The following CCDC172 variants were observed in gnomAD, a reference collection of about 807,000 sequenced individuals.
CCDC172 encodes coiled-coil domain-containing protein 172.
Under a neutral mutation model 38.0 loss-of-function variants are expected in CCDC172, and 30 were observed. The observed-to-expected ratio is 0.79, with a 90% CI of 0.59 to 1.07. The LOEUF (loss-of-function observed/expected upper bound fraction) is 1.07. CCDC172 is among the 50% of genes least tolerant of loss of function. The pLI is 0.00. For synonymous variants in CCDC172, 78 were observed against 88.3 expected, an observed-to-expected ratio of 0.88 and a Z score of 0.66; for missense variants, 297 against 290.1, an observed-to-expected ratio of 1.02 and a Z score of -0.17.
rs183342669 is a variant in CCDC172, at chr10:116,353,681, G to C, written c.449-3699G>C. Among the ~76,000 whole-genome samples, 5 of 152,256 alleles carry C rather than the reference G, an allele frequency of 3.3e-5. No homozygotes were observed. The East Asian group carries it at 9.7e-4, about 29-fold the overall frequency. Reference sequence around the variant, plus strand: ...TATTGATGATCCTGACCTTGTGTAGGCCTAGCCTAATTATATGTGTTTGAG... The same window carrying C: ...TATTGATGATCCTGACCTTGTGTAGCCCTAGCCTAATTATATGTGTTTGAG... On this transcript the variant is annotated intron_variant, in intron 5 of 8. Coordinates refer to ENST00000333254, the MANE Select transcript of CCDC172 (RefSeq NM_198515.3).
intron 3 of CCDC172, among the ~76,000 whole-genome samples, chr10:116,332,948 C>T (rs531496386): frequency 6.6e-6 from 1 of 152,076 alleles, no homozygotes; most frequent in African/African-American, 2.4e-5. Flanking sequence ...ATTTAATGCT[C>T]TCTGCAAATT....
chr10:116,362,430 C>T (rs1845076301), intron 7 of CCDC172, among the ~76,000 whole-genome samples: 1 of 152,108 alleles, frequency 6.6e-6, no homozygotes, highest in Middle Eastern at 3.2e-3. Context: ...AATGGATGTA[C>T]AAGATAGTTT....
chr10:116,379,481 T>C lies in CCDC172; in HGVS notation c.*123T>C, dbSNP rs1845286609. ...CTTGTGGGAAATATGGGGTTTAAAA[T>C]ATTCAAATTGTTATTATCTAGAAAT... is the stretch of plus-strand genomic sequence containing the variant. On this transcript the variant is annotated 3_prime_UTR_variant, in exon 9 of 9. Transcript: ENST00000333254. 5.8e-6 allele frequency: 3 copies of C among 516,742 alleles called. No homozygotes were observed. The highest frequency in any genetic ancestry group is 9.9e-6 in the Non-Finnish European group (3 of 303,224). The allele number at this position is 516,742 out of a possible 1,614,324, so 32.0% of individuals were successfully genotyped here.
chr10:116,368,762 G>T (rs1365409518), intron 7 of CCDC172, among the ~76,000 whole-genome samples: 1 of 151,870 alleles, frequency 6.6e-6, no homozygotes, highest in Admixed American at 6.6e-5. Flanking sequence ...GGATGTCATT[G>T]CTTCTAAGCA....
intron 4 of CCDC172, 76 bp downstream of exon 4, chr10:116,340,926 T>C: frequency 1.2e-6 from 1 of 849,424 alleles, no homozygotes. Context: ...AAGTATACTT[T>C]TAGAAAATTA....
chr10:116,359,933 C>G (rs1010985765), intron 7 of CCDC172, among the ~76,000 whole-genome samples: 6 of 152,118 alleles, frequency 3.9e-5, no homozygotes, highest in African/African-American at 1.4e-4. Context: ...CTGTAGAGAA[C>G]CAGTGTTTCA....
At chr10:116,337,295 G>A (rs1345286835) in intron 3 of CCDC172, among the ~76,000 whole-genome samples, 2 of 151,750 alleles carry the variant, frequency 1.3e-5, no homozygotes, top group Non-Finnish European at 2.9e-5. Flanking sequence ...CTGGGATTAC[G>A]GGTGCCCCCA....
At chr10:116,352,569 T>C (rs1038045550) in intron 5 of CCDC172, among the ~76,000 whole-genome samples, 4 of 151,986 alleles carry the variant, frequency 2.6e-5, no homozygotes, top group Non-Finnish European at 5.9e-5. Flanking sequence ...TTCAACAACT[T>C]TCATGATAAA....
chr10:116,349,354 T>C (rs940754805), intron 5 of CCDC172, among the ~76,000 whole-genome samples: 1 of 152,164 alleles, frequency 6.6e-6, no homozygotes, highest in African/African-American at 2.4e-5. Flanking sequence ...AAAATTGTCT[T>C]CCACAAAAAC....
chr10:116,326,504 G>A (rs1004709130), intron 3 of CCDC172, among the ~76,000 whole-genome samples: 2 of 152,052 alleles, frequency 1.3e-5, no homozygotes, highest in African/African-American at 4.8e-5. Context: ...AGTTTTCTTT[G>A]GGAATGAAAC....
intron 3 of CCDC172, among the ~76,000 whole-genome samples, chr10:116,335,859 T>C (rs1306870746): frequency 1.3e-5 from 2 of 152,140 alleles, no homozygotes; most frequent in Non-Finnish European, 2.9e-5. Context: ...CTCTGTATAT[T>C]TTCTTGGATT....
intron 7 of CCDC172, among the ~76,000 whole-genome samples, chr10:116,376,834 A>G (rs1390175023): frequency 2.6e-5 from 4 of 152,130 alleles, no homozygotes; most frequent in Non-Finnish European, 2.9e-5. Context: ...AAGGCATGAG[A>G]AGGGTGACAC....
At chr10:116,332,238 A>G (rs543554322) in intron 3 of CCDC172, among the ~76,000 whole-genome samples, 2 of 152,244 alleles carry the variant, frequency 1.3e-5, no homozygotes, top group South Asian at 2.1e-4. Flanking sequence ...TGGCTTAGCT[A>G]TGTAAATGAT....
intron 7 of CCDC172, among the ~76,000 whole-genome samples, chr10:116,367,752 G>A (rs539297752): frequency 1.6e-4 from 25 of 152,086 alleles, no homozygotes; most frequent in African/African-American, 5.3e-4. Flanking sequence ...TATTTCCCCT[G>A]TTATCTTAAT....
At chr10:116,378,086 C>G (rs2134976151) in intron 7 of CCDC172, among the ~76,000 whole-genome samples, 1 of 152,186 alleles carries the variant, frequency 6.6e-6, no homozygotes, top group East Asian at 1.9e-4. Context: ...GAGGCTGAGG[C>G]AGGAGAATCG....
chr10:116,329,906 A>G (rs1844637550), intron 3 of CCDC172, among the ~76,000 whole-genome samples: 2 of 152,214 alleles, frequency 1.3e-5, no homozygotes, highest in African/African-American at 4.8e-5. Flanking sequence ...ATCATTGAGT[A>G]TATTCATTTT....
chr10:116,374,559 C>T (rs1276534150), intron 7 of CCDC172, among the ~76,000 whole-genome samples: 1 of 151,688 alleles, frequency 6.6e-6, no homozygotes, highest in Non-Finnish European at 1.5e-5. Context: ...CAGTTGTCCA[C>T]TGAGAGTATT....
chr10:116,324,966 A>C lies in CCDC172; in HGVS notation c.-46A>C. 6.7e-7 allele frequency: 1 copy of C among 1,499,798 alleles called. No individual in the cohort carries two copies. Among genetic ancestry groups the C allele is most frequent in the Non-Finnish European group, 9.3e-7 (1 of 1,076,576 alleles). The allele number at this position is 1,499,798 out of a possible 1,614,324, so 92.9% of individuals were successfully genotyped here. ...TTCCAGGATCCTCAGAGTTGGTTAT[A>C]AAATATTTAAGGGCGAGAAAAGGAT... On this transcript the variant is annotated 5_prime_UTR_variant, in exon 2 of 9. An upstream open reading frame in the 5' UTR loses its in-frame stop. Transcript: ENST00000333254.
In CCDC172 at chr10:116,340,764, T is replaced by A; in HGVS notation, c.196T>A (p.Leu66Ile). 1 of 1,602,344 alleles carries A rather than the reference T, an allele frequency of 6.2e-7. No individual in the cohort carries two copies. Reference protein sequence around the residue: ...VQQFFEKSFFLQLLKAHENAL... With the variant: ...VQQFFEKSFFIQLLKAHENAL... ...ACAGTTTTTTGAAAAATCCTTCTTC[T>A]TACAGCTTTTGAAAGCTCATGAAAA... Residue 66 changes from leucine (L) to isoleucine (I), a missense_variant, in exon 4 of 9, where the codon TTA (leucine) becomes ATA (isoleucine). Physicochemically the swap from Leu to Ile is conservative, Grantham distance 5. Coordinates refer to ENST00000333254, the MANE Select transcript of CCDC172 (RefSeq NM_198515.3).
Sources: allele counts gnomAD v4.1 joint callset (sites outside exome capture counted in the v4.1 genomes callset), GRCh38; gene constraint gnomAD v4.1.1; transcripts MANE v1.5; gene names NCBI Gene and HGNC (gene_info 2026-07-23, HGNC 2026-07-21).